Variants in USP34 observed in about 807,000 individuals in gnomAD.
USP34 encodes the protein ubiquitin carboxyl-terminal hydrolase 34.
A neutral mutation model predicts 460.3 loss-of-function variants in USP34; 70 were observed. The ratio of observed to expected loss-of-function variants is 0.15; its 90% CI spans 0.13 to 0.19. The LOEUF is 0.19. Ranked by LOEUF, USP34 falls within the 10% of genes least tolerant of loss-of-function variation. The probability of loss-of-function intolerance (pLI) is 1.00; values close to 1 mark genes in which losing one functional copy is unlikely to be tolerated. For missense variants in USP34, 3,985 were observed against 4,236.2 expected, an observed-to-expected ratio of 0.94 and a Z score of 1.65; for synonymous variants, 1,647 against 1,405.3, an observed-to-expected ratio of 1.17 and a Z score of -3.85.
Position 61,188,578 on chromosome 2 carries a change from C to T in USP34, c.10165G>A (p.Glu3389Lys), listed in dbSNP as rs1686521255. Residue 3389 changes from glutamate to lysine, a missense_variant, in exon 80 of 80, where the codon GAG (glutamate) becomes AAG (lysine). Glu to Lys is a moderately conservative substitution (Grantham distance 56). Transcript: ENST00000398571. ...VLTPTSTSDN[E>K]TRDSSIIDPG... ...TCAATAATTGAGGAGTCTCTGGTCTCATTGTCAGAAGTGCTCGTTGGGGTC... is the reference window on the plus strand; with the variant it reads ...TCAATAATTGAGGAGTCTCTGGTCTTATTGTCAGAAGTGCTCGTTGGGGTC... 6.2e-7 allele frequency: 1 copy of T among 1,614,206 alleles called. No homozygotes were observed. The highest frequency in any genetic ancestry group is 8.5e-7 in the Non-Finnish European group (1 of 1,180,042).
intron 36 of USP34, 50 bp downstream of exon 36, chr2:61,283,359 A>ATATT: frequency 6.4e-7 from 1 of 1,574,730 alleles, no homozygotes; most frequent in Non-Finnish European, 8.6e-7. Context: ...ATATATCAAT[A>ATATT]TATTATTCAA....
intron 32 of USP34, among the ~76,000 whole-genome samples, chr2:61,294,550 C>T (rs78644022): frequency 5.9e-4 from 90 of 152,086 alleles, no homozygotes; most frequent in African/African-American, 2.0e-3. Context: ...ACCTGGGTAG[C>T]TGGGATTATG....
intron 1 of USP34, among the ~76,000 whole-genome samples, chr2:61,424,032 T>C (rs1694439104): frequency 6.6e-6 from 1 of 152,238 alleles, no homozygotes; most frequent in Non-Finnish European, 1.5e-5. Context: ...GTACTCTTGC[T>C]GGGAATATAA....
At chr2:61,209,496 T>C (rs1687211920) in intron 69 of USP34, among the ~76,000 whole-genome samples, 1 of 152,244 alleles carries the variant, frequency 6.6e-6, no homozygotes, top group Non-Finnish European at 1.5e-5. Context: ...ATGGAGCTGA[T>C]AAATTCCTAT....
intron 1 of USP34, among the ~76,000 whole-genome samples, chr2:61,456,207 G>A (rs899799137): frequency 7.9e-5 from 12 of 152,192 alleles, no homozygotes; most frequent in African/African-American, 2.4e-4. Context: ...TTACTGCCCA[G>A]AAGCAATTTC....
intron 2 of USP34, among the ~76,000 whole-genome samples, chr2:61,408,995 AG>A (rs1693961856): frequency 6.6e-6 from 1 of 152,096 alleles, no homozygotes; most frequent in South Asian, 2.1e-4. Flanking sequence ...CAAAGTGGGC[AG>A]ATGACTAGAG....
At chr2:61,287,684 G>A (rs1689730076) in intron 34 of USP34, among the ~76,000 whole-genome samples, 1 of 152,056 alleles carries the variant, frequency 6.6e-6, no homozygotes, top group Non-Finnish European at 1.5e-5. Context: ...CTTTTCTCTA[G>A]CTTACTTTAA....
chr2:61,216,799 TC>T (rs1687414177), intron 67 of USP34, among the ~76,000 whole-genome samples: 1 of 151,812 alleles, frequency 6.6e-6, no homozygotes, highest in East Asian at 1.9e-4. Context: ...GTGCCTGTAA[TC>T]CCAGCTACTC....
intron 1 of USP34, among the ~76,000 whole-genome samples, chr2:61,430,907 G>C (rs986141151): frequency 4.6e-5 from 7 of 152,172 alleles, no homozygotes; most frequent in African/African-American, 1.7e-4. Flanking sequence ...GGGAGGCTGA[G>C]AAGAGAGGAT....
chr2:61,269,357 G>A (rs1689147284), intron 41 of USP34, among the ~76,000 whole-genome samples: 1 of 148,340 alleles, frequency 6.7e-6, no homozygotes, highest in South Asian at 2.1e-4. Flanking sequence ...ATAGAGACAG[G>A]GTTTCACCAG....
rs1691335340 is a variant in USP34 at position 61,333,625 on chromosome 2, A to C, written c.2834+257T>G. ...TACTCTGCTGTAGCTGCATACGCTA[A>C]AAATCTCCCTAAAATTAGAGTATTA... On this transcript the variant is annotated intron_variant, in intron 19 of 79. Coordinates refer to ENST00000398571, the MANE Select transcript of USP34 (RefSeq NM_014709.4). Among the ~76,000 whole-genome samples the C allele has an allele frequency of 2.0e-5, 3 of 152,086 alleles. No individual in the cohort carries two copies. The South Asian group carries it at 6.2e-4, about 32-fold the overall frequency.
chr2:61,295,983 G>A (rs1301960716), intron 30 of USP34, among the ~76,000 whole-genome samples: 3 of 152,156 alleles, frequency 2.0e-5, no homozygotes. Flanking sequence ...TTTAAGCCAG[G>A]AGCAGTGGCT....
intron 1 of USP34, among the ~76,000 whole-genome samples, chr2:61,427,339 C>G (rs1176677197): frequency 6.6e-6 from 1 of 152,080 alleles, no homozygotes; most frequent in Non-Finnish European, 1.5e-5. Flanking sequence ...CAAGTTCTTT[C>G]AAATATCTAG....
intron 5 of USP34, among the ~76,000 whole-genome samples, chr2:61,383,698 C>T (rs892226638): frequency 3.9e-5 from 6 of 152,056 alleles, no homozygotes; most frequent in Non-Finnish European, 7.4e-5. Flanking sequence ...CCAGCCTGGG[C>T]AACGGAGCGA....
intron 62 of USP34, chr2:61,223,590 CAT>C (rs1687650705): frequency 3.9e-6 from 1 of 258,728 alleles, no homozygotes; most frequent in African/African-American, 2.3e-5. Context: ...TTTTTTTTGA[CAT>C]GAGACCCTTC....
In USP34 at chr2:61,208,916, A is replaced by G. The variant is rs780773811; in HGVS notation, c.8902T>C (p.Leu2968=). 1.3e-6 allele frequency: 2 copies of G among 1,595,170 alleles called. No individual in the cohort carries two copies. Among genetic ancestry groups the G allele is most frequent in the South Asian group, 1.2e-5 (1 of 86,418 alleles). Residue 2968 remains leucine (L), a synonymous_variant, in exon 70 of 80, where the codon TTG becomes CTG. Transcript: ENST00000398571. The stretch of plus-strand genomic sequence containing the variant: ...ATATTTACCTCTGTCATTAGAATCA[A>G]TCCTCGATTAAATACAACAAGAAGT... ...DRLLVVFNRG[L]ILMTESFNTL... is the part of the protein sequence containing the mutation.
chr2:61,284,764 C>T, intron 35 of USP34, 111 bp downstream of exon 35: 1 of 790,586 alleles, frequency 1.3e-6, no homozygotes, highest in Non-Finnish European at 1.9e-6. Flanking sequence ...GAGATTTCAT[C>T]ATAATATCCC....
intron 29 of USP34, among the ~76,000 whole-genome samples, chr2:61,300,395 G>C (rs1447985712): frequency 6.6e-6 from 1 of 151,518 alleles, no homozygotes; most frequent in Non-Finnish European, 1.5e-5. Context: ...CACCATGTTG[G>C]TCAGGCTGCT....
chr2:61,430,909 A>G (rs1558590175), intron 1 of USP34, among the ~76,000 whole-genome samples: 1 of 152,116 alleles, frequency 6.6e-6, no homozygotes, highest in Non-Finnish European at 1.5e-5. Context: ...GAGGCTGAGA[A>G]GAGAGGATCA....
Sources: gnomAD v4.1 joint callset for allele counts (sites outside exome capture counted in the v4.1 genomes callset) on GRCh38, gnomAD v4.1.1 for gene constraint, MANE v1.5 for transcripts, NCBI Gene and HGNC (gene_info 2026-07-23, HGNC 2026-07-21) for gene names.